ZNF510: variants seen among roughly 807,000 people sequenced by gnomAD.
ZNF510 encodes the protein zinc finger protein 510.
In ZNF510, 15 loss-of-function variants were observed where a neutral mutation model predicts 18.1. That is an observed-to-expected ratio of 0.83 (90% CI 0.55 to 1.28). ZNF510 has a LOEUF of 1.28. ZNF510 is among the 50% of genes most tolerant of loss of function. The pLI, the probability that ZNF510 is intolerant of heterozygous loss-of-function variation, is 0.00. For synonymous variants in ZNF510, 261 were observed against 266.4 expected (o/e 0.98, Z 0.20); for missense variants, 724 against 791.8 (o/e 0.91, Z 1.03).
chr9:96,762,184 C>A (rs1272172729), intron 5 of ZNF510, among the ~76,000 whole-genome samples: 1 of 147,994 alleles, frequency 6.8e-6, no homozygotes, highest in Admixed American at 6.9e-5. Context: ...ACCACCTGTT[C>A]CCCCAAAACC....
At position 96,763,595 on chromosome 9, in the gene ZNF510, G is replaced by A. The variant is rs1442348426; in HGVS notation, c.167C>T (p.Thr56Ile). The A allele has an allele frequency of 1.9e-6, 3 of 1,613,178 alleles. No individual in the cohort carries two copies. Among genetic ancestry groups the A allele is most frequent in the African/African-American group, 1.3e-5 (1 of 74,840 alleles). The change falls in exon 4 of 6, where the codon ACC (threonine) becomes ATC (isoleucine). Residue 56 changes from threonine to isoleucine, a missense_variant. By Grantham distance (89) the Thr-to-Ile change is moderately conservative (BLOSUM62 -1). Transcript: ENST00000223428. The part of the protein sequence containing the change: ...VSFKDVTIEF[T>I]QEEWQQMAPV... ...GGCCATTTGCTGCCACTCCTCCTGG[G>A]TGAATTCTATAGTCACGTCCTTGAA...
In ZNF510 at chr9:96,760,278, T is replaced by G; in HGVS notation, c.552A>C (p.Gln184His). 6.2e-7 allele frequency: 1 copy of G among 1,613,252 alleles called. No individual in the cohort carries two copies. The highest frequency in any genetic ancestry group is 2.2e-5 in the East Asian group (1 of 44,850). Residue 184 changes from glutamine to histidine, a missense_variant, in exon 6 of 6, where the codon CAA (glutamine) becomes CAC (histidine). Physicochemically the swap from Gln to His is conservative, Grantham distance 24 (BLOSUM62 0). Transcript: ENST00000223428. ...CKCNSWEVNL[Q>H]SISEFIINNR... The stretch of plus-strand genomic sequence containing the variant: ...TATTAATGATAAATTCAGAAATACT[T>G]TGCAAATTCACTTCCCATGAGTTGC...
rs1849273919 is a variant in ZNF510, at chr9:96,759,229, T to G, written c.1601A>C (p.His534Pro). The change falls in exon 6 of 6, where the codon CAT becomes CCT. Residue 534 changes from histidine (H) to proline (P), a missense_variant. Transcript: ENST00000223428. ...TFGQKSNLRI[H>P]QRTHTGEKTY... is the part of the protein sequence containing the mutation. ...TTTCTCCCCAGTGTGAGTTCTCTGA[T>G]GTATTCTGAGGTTTGACTTCTGGCC... 1.2e-6 allele frequency: 2 copies of G among 1,614,076 alleles called. No homozygotes were observed. Among genetic ancestry groups the G allele is most frequent in the Non-Finnish European group, 1.7e-6 (2 of 1,179,994 alleles).
At chr9:96,775,508 AAGG>A (rs1235625154) in intron 2 of ZNF510, among the ~76,000 whole-genome samples, 2 of 152,320 alleles carry the variant, frequency 1.3e-5, no homozygotes, top group South Asian at 2.1e-4. Flanking sequence ...AACTGAAAAA[AAGG>A]AGATGCTGAA....
chr9:96,762,985 T>C (rs1350472129), intron 5 of ZNF510, 133 bp downstream of exon 5: 1 of 688,854 alleles, frequency 1.5e-6, no homozygotes, highest in Non-Finnish European at 2.6e-6. Context: ...TTAATTATTT[T>C]CTTTTAACTG....
chr9:96,776,083 G>C lies in ZNF510; in HGVS notation c.-14C>G, dbSNP rs2289649. The C allele has an allele frequency of 6.3e-6, 10 of 1,593,068 alleles. No individual in the cohort carries two copies. Among genetic ancestry groups the C allele is most frequent in the Non-Finnish European group, 8.6e-6 (10 of 1,168,486 alleles). On this transcript the variant is annotated 5_prime_UTR_variant, in exon 2 of 6. Transcript: ENST00000223428. ...ATGTGGCGACATCACCAAGTCTGGT[G>C]CTCTCTGGGCAAGGGGATGAAGAAG...
intron 3 of ZNF510, among the ~76,000 whole-genome samples, chr9:96,767,540 G>A (rs1458476945): frequency 1.3e-5 from 2 of 151,946 alleles, no homozygotes; most frequent in Non-Finnish European, 2.9e-5. Context: ...TAAATGAGGT[G>A]GGGACCTTAC....
intron 3 of ZNF510, among the ~76,000 whole-genome samples, chr9:96,768,951 T>C (rs1849531860): frequency 6.6e-6 from 1 of 152,108 alleles, no homozygotes; most frequent in Non-Finnish European, 1.5e-5. Flanking sequence ...AAAGCAACAG[T>C]AATCAAGAGA....
Position 96,759,706 on chromosome 9 carries a change from T to G in ZNF510, c.1124A>C (p.Lys375Thr). ...VSNDRTQTWV[K>T]SSEYHENKKS... Reference sequence around the variant, plus strand: ...CTTATTTTCATGATATTCAGAGGATTTAACCCAAGTCTGTGTTCTGTCATT... The same window carrying G: ...CTTATTTTCATGATATTCAGAGGATGTAACCCAAGTCTGTGTTCTGTCATT... The change falls in exon 6 of 6, where the codon AAA becomes ACA. Residue 375 changes from lysine to threonine, a missense_variant. Physicochemically the swap from Lys to Thr is moderately conservative, Grantham distance 78. Coordinates refer to ENST00000223428, the MANE Select transcript of ZNF510 (RefSeq NM_014930.3). 6.2e-7 allele frequency: 1 copy of G among 1,613,976 alleles called. No homozygotes were observed. Among genetic ancestry groups the G allele is most frequent in the African/African-American group, 1.3e-5 (1 of 75,070 alleles).
rs1393726969 is a variant in ZNF510, at chr9:96,755,222, A to G, written c.*3556T>C. 6.6e-6 allele frequency among the ~76,000 whole-genome samples: 1 copy of G among 152,242 alleles called. No individual in the cohort carries two copies. The highest frequency in any genetic ancestry group is 6.5e-5 in the Admixed American group (1 of 15,290). On this transcript the variant is annotated 3_prime_UTR_variant, in exon 6 of 6. Transcript: ENST00000223428. ...GTTCCTGATCCTTAATACCAAACCCAGTCATAATCCTCAAATATCCTATTT... is the reference window on the plus strand; with the variant it reads ...GTTCCTGATCCTTAATACCAAACCCGGTCATAATCCTCAAATATCCTATTT...
chr9:96,760,344 C>A lies in ZNF510; in HGVS notation c.486G>T (p.Leu162=), dbSNP rs780683543. 1 of 1,613,860 alleles carries A rather than the reference C, an allele frequency of 6.2e-7. No individual in the cohort carries two copies. Among genetic ancestry groups the A allele is most frequent in the South Asian group, 1.1e-5 (1 of 91,054 alleles). The change falls in exon 6 of 6, where the codon CTG becomes CTT. Residue 162 remains leucine (L), a synonymous_variant. Coordinates refer to ENST00000223428, the MANE Select transcript of ZNF510 (RefSeq NM_014930.3). ...TTGTTGAAGCAACAGCAGCTACATG[C>A]AGAGTAAATGGTTTCCCCAAAACTT... is the stretch of plus-strand genomic sequence containing the variant. ...EEKVLGKPFT[L]HVAAVASTKM... is the part of the protein sequence containing the mutation.
intron 3 of ZNF510, among the ~76,000 whole-genome samples, chr9:96,769,708 T>A (rs1033889951): frequency 4.6e-5 from 7 of 152,116 alleles, no homozygotes; most frequent in African/African-American, 7.2e-5. Context: ...CCAGAATACA[T>A]AAAGAACTCT....
intron 3 of ZNF510, among the ~76,000 whole-genome samples, chr9:96,770,451 A>T (rs1849561821): frequency 1.3e-5 from 2 of 151,726 alleles, no homozygotes; most frequent in African/African-American, 4.8e-5. Flanking sequence ...AAAATAGAAA[A>T]ATTAGCCAGG....
At chr9:96,769,465 G>C (rs924541021) in intron 3 of ZNF510, among the ~76,000 whole-genome samples, 1 of 149,068 alleles carries the variant, frequency 6.7e-6, no homozygotes, top group Non-Finnish European at 1.5e-5. Flanking sequence ...GCCTTAAAAG[G>C]GATCAAAGAC....
At chr9:96,774,749 T>G in intron 3 of ZNF510, 39 bp downstream of exon 3, 12 of 1,563,818 alleles carry the variant, frequency 7.7e-6, no homozygotes, top group African/African-American at 1.4e-5. Flanking sequence ...TAAACACCTA[T>G]GAAATCCATG....
chr9:96,768,650 T>C (rs1351767544), intron 3 of ZNF510, among the ~76,000 whole-genome samples: 1 of 152,156 alleles, frequency 6.6e-6, no homozygotes, highest in African/African-American at 2.4e-5. Flanking sequence ...GGTACATGAC[T>C]TATACGTGAA....
chr9:96,758,730 T>G lies in ZNF510; in HGVS notation c.*48A>C. ...CAATTGGTTTTTTGTGTATCTCTGA[T>G]ATCAAATGGGGTATTCCTTTTGTCA... On this transcript the variant is annotated 3_prime_UTR_variant, in exon 6 of 6. Transcript: ENST00000223428. 6.6e-7 allele frequency: 1 copy of G among 1,508,546 alleles called. No individual in the cohort carries two copies. Among genetic ancestry groups the G allele is most frequent in the South Asian group, 1.4e-5 (1 of 71,486 alleles). The allele number at this position is 1,508,546 out of a possible 1,614,324, so 93.4% of individuals were successfully genotyped here.
At position 96,776,177 on chromosome 9, in the gene ZNF510, T is replaced by A; in HGVS notation, c.-108A>T. On this transcript the variant is annotated 5_prime_UTR_variant, in exon 2 of 6. Coordinates refer to ENST00000223428, the MANE Select transcript of ZNF510 (RefSeq NM_014930.3). ...TTCTGCATCTGTTTGGAAGCCCTGG[T>A]GAGGAGGTCTCTGTTCTGTCAGAGA... is the stretch of plus-strand genomic sequence containing the variant. 1 of 1,489,544 alleles carries A rather than the reference T, an allele frequency of 6.7e-7. No individual in the cohort carries two copies. The highest frequency in any genetic ancestry group is 9.0e-7 in the Non-Finnish European group (1 of 1,115,854). 92.3% of individuals were successfully genotyped at this position (1,489,544 alleles called of 1,614,324 possible).
At chr9:96,772,269 A>G (rs1044904278) in intron 3 of ZNF510, among the ~76,000 whole-genome samples, 1 of 152,178 alleles carries the variant, frequency 6.6e-6, no homozygotes, top group South Asian at 2.1e-4. Context: ...AGCTAACTCT[A>G]TGTAGATCAA....
Sources: gnomAD v4.1 joint callset for allele counts (sites outside exome capture counted in the v4.1 genomes callset) on GRCh38, gnomAD v4.1.1 for gene constraint, MANE v1.5 for transcripts, NCBI Gene and HGNC (gene_info 2026-07-23, HGNC 2026-07-21) for gene names.